Variants in DAB1 observed in about 807,000 individuals in gnomAD.
DAB1 encodes disabled homolog 1.
DAB1 carries 15 observed loss-of-function variants against 64.6 expected under a neutral mutation model. That is an observed-to-expected ratio of 0.23 (90% CI 0.16 to 0.36). The LOEUF is 0.36. DAB1 is among the 10% of genes least tolerant of loss of function. DAB1 has a pLI of 1.00. For missense variants in DAB1, 596 were observed against 706.7 expected (o/e 0.84, Z 1.78); for synonymous variants, 235 against 251.9 (o/e 0.93, Z 0.64).
chr1:57,688,153 G>C (rs1425874567), intron 6 of DAB1, among the ~76,000 whole-genome samples: 1 of 152,070 alleles, frequency 6.6e-6, no homozygotes, highest in East Asian at 1.9e-4. Flanking sequence ...GAAAATACTT[G>C]TAAACTACAC....
At chr1:57,089,460 C>T (rs1426123005) in intron 4 of DAB1, among the ~76,000 whole-genome samples, 6 of 152,072 alleles carry the variant, frequency 3.9e-5, no homozygotes, top group African/African-American at 1.2e-4. Context: ...AGAGCAACCC[C>T]TTATTGCAAA....
chr1:57,095,774 T>C (rs1185581534), intron 4 of DAB1, among the ~76,000 whole-genome samples: 1 of 152,146 alleles, frequency 6.6e-6, no homozygotes, highest in Non-Finnish European at 1.5e-5. Context: ...GGAACCATTC[T>C]GGTTAAAGAT....
chr1:57,782,973 TCCTCCCTC>T (rs200786518), intron 6 of DAB1, among the ~76,000 whole-genome samples: 4 of 115,680 alleles, frequency 3.5e-5, no homozygotes, highest in Non-Finnish European at 7.0e-5. Flanking sequence ...CCATTTTCTT[TCCTCCCTC>T]CCTCCCTCCC....
intron 7 of DAB1, among the ~76,000 whole-genome samples, chr1:57,624,529 C>T (rs1645899951): frequency 6.6e-6 from 1 of 152,140 alleles, no homozygotes; most frequent in East Asian, 1.9e-4. Context: ...CTCACTTTTT[C>T]ATTCAAAGGC....
At chr1:58,156,271 C>T (rs890293068) in intron 4 of DAB1, among the ~76,000 whole-genome samples, 8 of 152,142 alleles carry the variant, frequency 5.3e-5, no homozygotes, top group African/African-American at 1.7e-4. Context: ...CTAAGCAGTG[C>T]CTTAAGTGGA....
At chr1:58,455,243 T>A (rs987931777) in intron 3 of DAB1, among the ~76,000 whole-genome samples, 3 of 152,238 alleles carry the variant, frequency 2.0e-5, no homozygotes, top group African/African-American at 7.2e-5. Flanking sequence ...ATGGAGCTTA[T>A]GCCCACTGGG....
chr1:57,070,803 A>G, intron 7 of DAB1: 1 of 571,714 alleles, frequency 1.7e-6, no homozygotes, highest in Admixed American at 3.1e-5. Context: ...AAGAAGGGAG[A>G]AGCGGATCTC....
intron 2 of DAB1, among the ~76,000 whole-genome samples, chr1:57,168,024 T>C (rs546929634): frequency 1.3e-5 from 2 of 152,130 alleles, no homozygotes; most frequent in Non-Finnish European, 1.5e-5. Flanking sequence ...CTAGCAGAGA[T>C]TGTAAAAGTT....
intron 5 of DAB1, among the ~76,000 whole-genome samples, chr1:57,921,833 GCCT>G (rs1414060639): frequency 6.6e-6 from 1 of 152,052 alleles, no homozygotes; most frequent in Non-Finnish European, 1.5e-5. Context: ...TCCCACCATG[GCCT>G]CTAAGGACCC....
At chr1:57,804,364 T>G (rs1197372433) in intron 6 of DAB1, among the ~76,000 whole-genome samples, 4 of 152,144 alleles carry the variant, frequency 2.6e-5, no homozygotes, top group Admixed American at 2.6e-4. Context: ...AAGGGGTGAC[T>G]TGAAGGACTC....
chr1:58,412,912 A>G (rs1272763869), intron 3 of DAB1, among the ~76,000 whole-genome samples: 4 of 152,232 alleles, frequency 2.6e-5, no homozygotes, highest in African/African-American at 9.6e-5. Flanking sequence ...GGAATAAGAG[A>G]ATGAATGTTA....
At chr1:57,519,314 C>A (rs1296054154) in intron 7 of DAB1, among the ~76,000 whole-genome samples, 1 of 152,122 alleles carries the variant, frequency 6.6e-6, no homozygotes, top group Non-Finnish European at 1.5e-5. Context: ...TTGAGATAAG[C>A]CTGCCGGTGC....
intron 1 of DAB1, among the ~76,000 whole-genome samples, chr1:57,420,077 CCA>C (rs1684781447): frequency 6.6e-6 from 1 of 152,212 alleles, no homozygotes; most frequent in Admixed American, 6.5e-5. Flanking sequence ...ATAGAAACTG[CCA>C]CAGAGTCACA....
rs569576636 is a variant in DAB1, at chr1:57,590,213, G to A, written n.625+59379C>T. ...TGGTCTTTCTTCTATGCACACCCAC[G>A]CCTGGTGTCTGTTCCATTTCTTATA... On this transcript the variant is annotated intron_variant and non_coding_transcript_variant, in intron 7 of 20. Transcript: ENST00000485760. Among the ~76,000 whole-genome samples, 8 of 152,108 alleles carry A rather than the reference G, an allele frequency of 5.3e-5. No homozygotes were observed. In the East Asian group the frequency reaches 7.7e-4, roughly 15 times the overall value.
At position 57,291,022 on chromosome 1, in the gene DAB1, A is replaced by G; in HGVS notation, c.9T>C (p.Thr3=). ...TCACAGCTACTTGAAGTTCTGTCTC[A>G]GTTGACATCCTACTTAATCCTTAGT... MS[T]ETELQVAVKT... Residue 3 remains threonine (T), a synonymous_variant, in exon 2 of 15, where the codon ACT becomes ACC. Transcript: ENST00000371236. 1 of 1,611,388 alleles carries G rather than the reference A, an allele frequency of 6.2e-7. No homozygotes were observed. The highest frequency in any genetic ancestry group is 8.5e-7 in the Non-Finnish European group (1 of 1,178,562).
chr1:58,538,804 A>G (rs1455805069), intron 1 of DAB1: 3 of 808,754 alleles, frequency 3.7e-6, no homozygotes, highest in African/African-American at 1.7e-5. Flanking sequence ...CCTGCCTACA[A>G]TGATTGCAAA....
intron 4 of DAB1, among the ~76,000 whole-genome samples, chr1:58,210,560 T>C (rs1235019445): frequency 2.6e-5 from 4 of 152,236 alleles, no homozygotes; most frequent in African/African-American, 9.6e-5. Context: ...CTGCAATTCA[T>C]ATCCAGACAA....
At chr1:57,666,200 C>G (rs556784085) in intron 6 of DAB1, among the ~76,000 whole-genome samples, 1 of 151,544 alleles carries the variant, frequency 6.6e-6, no homozygotes, top group East Asian at 1.9e-4. Flanking sequence ...GAAAACCATG[C>G]AAGGAAATAA....
intron 7 of DAB1, among the ~76,000 whole-genome samples, chr1:57,478,990 A>T (rs1022526085): frequency 1.3e-5 from 2 of 152,148 alleles, no homozygotes; most frequent in Admixed American, 1.3e-4. Flanking sequence ...GGACACCTGT[A>T]TCCTTCTGCT....
Sources: gnomAD v4.1 joint callset for allele counts (sites outside exome capture counted in the v4.1 genomes callset) on GRCh38, gnomAD v4.1.1 for gene constraint, MANE v1.5 for transcripts, NCBI Gene and HGNC (gene_info 2026-07-23, HGNC 2026-07-21) for gene names.